The following SUPT3H variants were observed in gnomAD, a reference collection of about 807,000 sequenced individuals.
SUPT3H encodes SPT3 homolog, SAGA and STAGA complex component, also known as transcription initiation protein SPT3 homolog.
SUPT3H carries 44 observed loss-of-function variants against 44.3 expected under a neutral mutation model. The observed-to-expected ratio is 0.99, with a 90% CI of 0.78 to 1.28. The LOEUF (loss-of-function observed/expected upper bound fraction) is 1.28. Ranked by LOEUF, SUPT3H falls within the 50% of genes most tolerant of loss-of-function variation. SUPT3H has a pLI of 0.00. For missense variants in SUPT3H, 380 were observed against 387.1 expected (o/e 0.98, Z 0.15); for synonymous variants, 124 against 125.6 (o/e 0.99, Z 0.09).
chr6:45,258,105 A>G (rs1459027828), intron 2 of SUPT3H, among the ~76,000 whole-genome samples: 2 of 152,190 alleles, frequency 1.3e-5, no homozygotes, highest in Non-Finnish European at 2.9e-5. Flanking sequence ...ATTGAATCCA[A>G]TTTTTCTGAA....
intron 6 of SUPT3H, 24 bp from the exon 7 acceptor site, chr6:44,961,852 T>C (rs1418243032): frequency 6.5e-7 from 1 of 1,541,546 alleles, no homozygotes; most frequent in Non-Finnish European, 8.9e-7. Context: ...ATACATAACA[T>C]TTTTTAAAGC....
At chr6:44,888,080 C>T (rs957042013) in intron 10 of SUPT3H, among the ~76,000 whole-genome samples, 2 of 152,194 alleles carry the variant, frequency 1.3e-5, no homozygotes, top group African/African-American at 2.4e-5. Context: ...AGTTGAATCT[C>T]TGAATAGACC....
intron 4 of SUPT3H, among the ~76,000 whole-genome samples, chr6:45,018,897 G>C (rs370323518): frequency 0.018 from 2,678 of 151,948 alleles, 53 homozygotes; most frequent in South Asian, 0.086. Flanking sequence ...TTTTTCTATT[G>C]ATTGGAATAG....
At chr6:45,369,334 C>G (rs80303043) in intron 1 of SUPT3H, among the ~76,000 whole-genome samples, 1 of 152,116 alleles carries the variant, frequency 6.6e-6, no homozygotes, top group African/African-American at 2.4e-5. Flanking sequence ...CTGACCTAAG[C>G]CCATCTCCAA....
intron 6 of SUPT3H, among the ~76,000 whole-genome samples, chr6:44,986,101 A>G (rs1379256269): frequency 6.6e-6 from 1 of 152,236 alleles, no homozygotes; most frequent in African/African-American, 2.4e-5. Flanking sequence ...AAATATCTTT[A>G]TCAGCCTTAA....
At chr6:45,186,444 C>T (rs1258716807) in intron 2 of SUPT3H, among the ~76,000 whole-genome samples, 1 of 151,958 alleles carries the variant, frequency 6.6e-6, no homozygotes, top group East Asian at 1.9e-4. Flanking sequence ...CAAAGAAACA[C>T]AATTAAAAAA....
intron 10 of SUPT3H, among the ~76,000 whole-genome samples, chr6:44,871,012 C>T (rs1300821896): frequency 6.6e-6 from 1 of 150,398 alleles, no homozygotes; most frequent in African/African-American, 2.4e-5. Flanking sequence ...CACGGAATCT[C>T]GCTGATTGCT....
intron 2 of SUPT3H, among the ~76,000 whole-genome samples, chr6:45,320,604 GT>G (rs1785342458): frequency 6.6e-6 from 1 of 151,928 alleles, no homozygotes; most frequent in Non-Finnish European, 1.5e-5. Context: ...TGTAAATAAA[GT>G]TTTACTGGAA....
intron 10 of SUPT3H, among the ~76,000 whole-genome samples, chr6:44,870,399 C>A (rs1776178912): frequency 6.6e-6 from 1 of 151,996 alleles, no homozygotes; most frequent in African/African-American, 2.4e-5. Context: ...GAGCTCAAGA[C>A]CAGCCTGGGC....
chr6:45,003,661 T>G lies in SUPT3H; in HGVS notation c.496A>C (p.Arg166=). Residue 166 remains arginine (R), a synonymous_variant, in exon 6 of 11, where the codon AGA becomes CGA. Coordinates refer to ENST00000371459, the MANE Select transcript of SUPT3H (RefSeq NM_003599.4). ...GGAAGAATGTACTATACCTCCATTC[T>G]TTCTTGTTTAACTTCATCAATTTCG... is the stretch of plus-strand genomic sequence containing the variant. ...DDEIDEVKQE[R]MERAERQTRI... The G allele has an allele frequency of 6.2e-7, 1 of 1,613,572 alleles. No homozygotes were observed. The highest frequency in any genetic ancestry group is 8.5e-7 in the Non-Finnish European group (1 of 1,179,724).
chr6:45,149,661 A>C (rs999125348), intron 2 of SUPT3H, among the ~76,000 whole-genome samples: 1 of 152,208 alleles, frequency 6.6e-6, no homozygotes, highest in African/African-American at 2.4e-5. Context: ...CTTTAAATGT[A>C]GTATAAACCA....
intron 2 of SUPT3H, among the ~76,000 whole-genome samples, chr6:45,227,021 T>C (rs2153638106): frequency 6.7e-6 from 1 of 149,272 alleles, no homozygotes; most frequent in South Asian, 2.1e-4. Context: ...TTTAAATATA[T>C]ACTAAATATA....
chr6:45,088,821 G>T (rs1796791050), intron 3 of SUPT3H, among the ~76,000 whole-genome samples: 1 of 151,958 alleles, frequency 6.6e-6, no homozygotes. Context: ...TGGTAGATTT[G>T]ATTGTTATAT....
intron 10 of SUPT3H, among the ~76,000 whole-genome samples, chr6:44,880,817 C>A (rs1192600467): frequency 6.6e-6 from 1 of 152,048 alleles, no homozygotes. Context: ...AATTTCATAT[C>A]CAGCCAAACT....
At position 44,972,168 on chromosome 6, in the gene SUPT3H, G is replaced by C. The variant is rs182829370; in HGVS notation, c.505-10340C>G. Among the ~76,000 whole-genome samples, 783 of 152,164 alleles carry C rather than the reference G, an allele frequency of 5.1e-3. 8 individuals carry two copies. The highest frequency in any genetic ancestry group is 6.4e-3 in the Non-Finnish European group (436 of 68,008). Reference sequence around the variant, plus strand: ...CAAGACCAGTCCCTTCCACTTACAAGCCTGTAAAATCAAAGACAAGTTAGT... The same window carrying C: ...CAAGACCAGTCCCTTCCACTTACAACCCTGTAAAATCAAAGACAAGTTAGT... On this transcript the variant is annotated intron_variant, in intron 6 of 10. Transcript: ENST00000371459.
chr6:44,954,617 T>G lies in SUPT3H; in HGVS notation c.581-10A>C. On this transcript the variant is annotated splice_polypyrimidine_tract_variant and intron_variant, in intron 7 of 10. Transcript: ENST00000371459. ...TTGGAAGCTTTTTTGGCTGGCCATT[T>G]AAAAAAAACAAGTGCAGAAATTTTA... is the stretch of plus-strand genomic sequence containing the variant. The G allele has an allele frequency of 6.4e-7, 1 of 1,568,044 alleles. No individual in the cohort carries two copies.
chr6:45,190,396 C>G (rs536002088), intron 2 of SUPT3H, among the ~76,000 whole-genome samples: 1 of 151,920 alleles, frequency 6.6e-6, no homozygotes, highest in Non-Finnish European at 1.5e-5. Flanking sequence ...GCAACACACA[C>G]CAAGAATAAG....
chr6:45,028,896 C>CAAAAAAAAAAAAAAAAA (rs57234806), intron 3 of SUPT3H, among the ~76,000 whole-genome samples: 4 of 71,050 alleles, frequency 5.6e-5, no homozygotes, highest in Non-Finnish European at 1.0e-4. Flanking sequence ...AAACAGTTGC[C>CAAAAAAAAAAAAAAAAA]AAAAAAAAAA....
intron 2 of SUPT3H, among the ~76,000 whole-genome samples, chr6:45,176,908 A>C (rs534483762): frequency 2.1e-5 from 2 of 97,458 alleles, no homozygotes; most frequent in Admixed American, 9.5e-5. Flanking sequence ...CCACACCAAA[A>C]ACCCATCTGT....
Sources: gnomAD v4.1 joint callset for allele counts (sites outside exome capture counted in the v4.1 genomes callset) on GRCh38, gnomAD v4.1.1 for gene constraint, MANE v1.5 for transcripts, NCBI Gene and HGNC (gene_info 2026-07-23, HGNC 2026-07-21) for gene names.